The following TMEM232 variants were observed in gnomAD, a reference collection of about 807,000 sequenced individuals.
TMEM232 encodes transmembrane protein 232.
A neutral mutation model predicts 78.8 loss-of-function variants in TMEM232; 80 were observed. The ratio of observed to expected loss-of-function variants is 1.01; its 90% CI spans 0.85 to 1.22. The LOEUF (loss-of-function observed/expected upper bound fraction) is 1.22. Ranked by LOEUF, TMEM232 falls within the 50% of genes most tolerant of loss-of-function variation. TMEM232 has a pLI of 0.00. For synonymous variants in TMEM232, 297 were observed against 254.3 expected, an observed-to-expected ratio of 1.17 and a Z score of -1.60; for missense variants, 881 against 742.2, an observed-to-expected ratio of 1.19 and a Z score of -2.17.
intron 11 of TMEM232, among the ~76,000 whole-genome samples, chr5:110,546,843 G>T (rs1289216802): frequency 1.3e-5 from 2 of 151,992 alleles, no homozygotes; most frequent in Non-Finnish European, 2.9e-5. Flanking sequence ...TTATAAGTTG[G>T]TTTAAGGGAT....
intron 7 of TMEM232, among the ~76,000 whole-genome samples, chr5:110,624,319 C>G (rs1300874879): frequency 1.3e-5 from 2 of 151,570 alleles, no homozygotes; most frequent in Non-Finnish European, 2.9e-5. Flanking sequence ...TTTCTGCAAT[C>G]TTTATAACAA....
At chr5:110,714,469 T>G (rs74692186) in intron 1 of TMEM232, among the ~76,000 whole-genome samples, 3,270 of 152,302 alleles carry the variant, frequency 0.021, 104 homozygotes, top group African/African-American at 0.074. Context: ...CGAGGACATA[T>G]TCTCAGTTTG....
chr5:110,468,309 A>T (rs2149368989), intron 12 of TMEM232, among the ~76,000 whole-genome samples: 1 of 151,960 alleles, frequency 6.6e-6, no homozygotes, highest in Admixed American at 6.5e-5. Context: ...TGTTTTTTTA[A>T]CATAAAAAGT....
intron 12 of TMEM232, among the ~76,000 whole-genome samples, chr5:110,517,428 C>T (rs1280390834): frequency 6.6e-6 from 1 of 152,174 alleles, no homozygotes; most frequent in Non-Finnish European, 1.5e-5. Context: ...TTTTACACAA[C>T]TTATAAAAAA....
chr5:110,475,857 A>G (rs1422500661), intron 12 of TMEM232, among the ~76,000 whole-genome samples: 1 of 152,144 alleles, frequency 6.6e-6, no homozygotes, highest in Admixed American at 6.6e-5. Context: ...TGAGGTTCAC[A>G]CAGGGCCGGA....
chr5:110,482,965 T>C (rs944076452), intron 12 of TMEM232, among the ~76,000 whole-genome samples: 3 of 150,574 alleles, frequency 2.0e-5, no homozygotes, highest in Middle Eastern at 3.4e-3. Flanking sequence ...AGACACTAAT[T>C]TGAATCAACA....
At chr5:110,447,731 T>C (rs1037249683) in intron 12 of TMEM232, among the ~76,000 whole-genome samples, 5 of 152,088 alleles carry the variant, frequency 3.3e-5, no homozygotes, top group East Asian at 1.9e-4. Flanking sequence ...GAAAAAAAGA[T>C]TTGAAATGAA....
intron 1 of TMEM232, among the ~76,000 whole-genome samples, chr5:110,700,750 A>ATAGGTAGG (rs762244864): frequency 2.0e-5 from 3 of 147,886 alleles, no homozygotes; most frequent in Non-Finnish European, 3.0e-5. Flanking sequence ...AAATAGGTAG[A>ATAGGTAGG]TAGGTAGGTA....
At chr5:110,496,469 C>T (rs1190183249) in intron 12 of TMEM232, among the ~76,000 whole-genome samples, 3 of 151,666 alleles carry the variant, frequency 2.0e-5, no homozygotes, top group African/African-American at 4.8e-5. Flanking sequence ...TTTAGGATGC[C>T]ATCGTGTGGT....
At chr5:110,715,704 A>G (rs963558958) in intron 1 of TMEM232, among the ~76,000 whole-genome samples, 1 of 152,068 alleles carries the variant, frequency 6.6e-6, no homozygotes, top group African/African-American at 2.4e-5. Context: ...AGTTAACCTA[A>G]AAGACTGGTT....
chr5:110,682,234 T>A (rs931164989), intron 1 of TMEM232, among the ~76,000 whole-genome samples: 2 of 152,216 alleles, frequency 1.3e-5, no homozygotes, highest in African/African-American at 4.8e-5. Flanking sequence ...AATATCCTTT[T>A]TATTTTCTAC....
chr5:110,389,648 C>T (rs1028030938), intron 4 of TMEM232, among the ~76,000 whole-genome samples: 9 of 152,186 alleles, frequency 5.9e-5, no homozygotes, highest in African/African-American at 1.4e-4. Flanking sequence ...ACTTATTGCA[C>T]GACCTTGCAT....
chr5:110,450,732 G>T (rs1379845433), intron 12 of TMEM232, among the ~76,000 whole-genome samples: 3 of 152,128 alleles, frequency 2.0e-5, no homozygotes, highest in East Asian at 3.9e-4. Flanking sequence ...CCACTCCACA[G>T]TTAGATGTGT....
chr5:110,632,212 A>G (rs1349677020), intron 5 of TMEM232, among the ~76,000 whole-genome samples: 2 of 152,102 alleles, frequency 1.3e-5, no homozygotes, highest in Non-Finnish European at 2.9e-5. Flanking sequence ...AAAGGGCTCT[A>G]CTAACCAACA....
At chr5:110,389,104 T>G (rs1205986728) in intron 4 of TMEM232, among the ~76,000 whole-genome samples, 1 of 152,000 alleles carries the variant, frequency 6.6e-6, no homozygotes, top group Non-Finnish European at 1.5e-5. Flanking sequence ...CTACTAAAAG[T>G]GCAAAAATTA....
At chr5:110,706,106 AT>A (rs1795908421) in intron 1 of TMEM232, among the ~76,000 whole-genome samples, 1 of 152,140 alleles carries the variant, frequency 6.6e-6, no homozygotes, top group African/African-American at 2.4e-5. Flanking sequence ...ATAACCAAGT[AT>A]TTTGGGAATT....
At chr5:110,701,555 T>C (rs1312714175) in intron 1 of TMEM232, among the ~76,000 whole-genome samples, 1 of 152,060 alleles carries the variant, frequency 6.6e-6, no homozygotes, top group Non-Finnish European at 1.5e-5. Context: ...GCTCTCATAC[T>C]CTTTTGTCCA....
intron 2 of TMEM232, among the ~76,000 whole-genome samples, chr5:110,652,466 T>G (rs903210242): frequency 2.0e-5 from 3 of 152,236 alleles, no homozygotes; most frequent in African/African-American, 7.2e-5. Flanking sequence ...AATATCTAAT[T>G]CAATTTCTAT....
chr5:110,412,434 C>G (rs753308947), intron 2 of TMEM232, among the ~76,000 whole-genome samples: 8 of 152,132 alleles, frequency 5.3e-5, no homozygotes, highest in Non-Finnish European at 8.8e-5. Context: ...AGAGCTCCAT[C>G]ATGCCTCTAT....
Sources: gnomAD v4.1 joint callset for allele counts (sites outside exome capture counted in the v4.1 genomes callset) on GRCh38, gnomAD v4.1.1 for gene constraint, MANE v1.5 for transcripts, NCBI Gene and HGNC (gene_info 2026-07-23, HGNC 2026-07-21) for gene names.